MYO5B: variants seen among roughly 807,000 people sequenced by gnomAD.
MYO5B encodes myosin VB, also known as unconventional myosin-Vb.
Under a neutral mutation model 229.3 loss-of-function variants are expected in MYO5B, and 143 were observed. The observed-to-expected ratio is 0.62, with a 90% CI of 0.54 to 0.72. The LOEUF (loss-of-function observed/expected upper bound fraction) is 0.72. MYO5B is among the 30% of genes least tolerant of loss of function. The pLI, the probability that MYO5B is intolerant of heterozygous loss-of-function variation, is 0.00. For missense variants in MYO5B, 2,321 were observed against 2,331.0 expected, an observed-to-expected ratio of 1.00 and a Z score of 0.09; for synonymous variants, 918 against 885.2, an observed-to-expected ratio of 1.04 and a Z score of -0.66.
intron 29 of MYO5B, among the ~76,000 whole-genome samples, chr18:49,858,093 G>A (rs1360015014): frequency 6.6e-6 from 1 of 152,158 alleles, no homozygotes; most frequent in African/African-American, 2.4e-5. Flanking sequence ...ACCATCTGAA[G>A]GGACTTCCTC....
intron 3 of MYO5B, among the ~76,000 whole-genome samples, chr18:50,039,573 C>T (rs1407172842): frequency 6.6e-5 from 10 of 152,234 alleles, no homozygotes; most frequent in East Asian, 5.8e-4. Flanking sequence ...CCTCGTGATC[C>T]GCCCGCCTCG....
chr18:50,157,242 A>T (rs915449889), intron 1 of MYO5B, among the ~76,000 whole-genome samples: 5 of 152,014 alleles, frequency 3.3e-5, no homozygotes, highest in Non-Finnish European at 7.4e-5. Flanking sequence ...AGTAGCTGGG[A>T]TTACAGGTGC....
chr18:49,864,446 T>A, intron 27 of MYO5B, 66 bp from the exon 28 acceptor site: 2 of 1,583,660 alleles, frequency 1.3e-6, no homozygotes, highest in Non-Finnish European at 1.7e-6. Flanking sequence ...TGTGTGGGCC[T>A]CCCCTCCTCC....
intron 1 of MYO5B, among the ~76,000 whole-genome samples, chr18:50,121,872 AC>A (rs1234687275): frequency 6.6e-6 from 1 of 152,216 alleles, no homozygotes; most frequent in Non-Finnish European, 1.5e-5. Context: ...CCATGCAACT[AC>A]CAATAACAGC....
intron 14 of MYO5B, among the ~76,000 whole-genome samples, chr18:49,942,136 G>A (rs2025320961): frequency 6.7e-6 from 1 of 149,866 alleles, no homozygotes. Flanking sequence ...CTAGCCATAT[G>A]TAGAAAGTTG....
At chr18:49,945,454 T>TC (rs558772660) in intron 14 of MYO5B, among the ~76,000 whole-genome samples, 2 of 61,526 alleles carry the variant, frequency 3.3e-5, no homozygotes, top group Non-Finnish European at 2.9e-5. Context: ...CATGCAGTCC[T>TC]TTTTTTTTTC....
At chr18:49,926,116 C>T (rs2025126115) in intron 17 of MYO5B, among the ~76,000 whole-genome samples, 1 of 152,212 alleles carries the variant, frequency 6.6e-6, no homozygotes, top group Non-Finnish European at 1.5e-5. Flanking sequence ...AAGAAAATAA[C>T]AACAGCCTTC....
chr18:50,021,032 C>T (rs1359039975), intron 4 of MYO5B, among the ~76,000 whole-genome samples: 2 of 152,176 alleles, frequency 1.3e-5, no homozygotes, highest in Non-Finnish European at 2.9e-5. Context: ...TGCAGAGGTA[C>T]ACTAAGAACA....
intron 26 of MYO5B, among the ~76,000 whole-genome samples, chr18:49,873,676 C>T (rs1214024693): frequency 2.0e-5 from 3 of 152,192 alleles, no homozygotes; most frequent in Non-Finnish European, 4.4e-5. Flanking sequence ...GAGTACATTA[C>T]ATTCTCAGAA....
intron 17 of MYO5B, 95 bp downstream of exon 17, chr18:49,929,417 T>C (rs2025164530): frequency 3.0e-6 from 3 of 990,192 alleles, no homozygotes; most frequent in Non-Finnish European, 4.5e-6. Context: ...GAAGGATCTG[T>C]TTCTGGCCGA....
At chr18:49,934,550 G>A (rs2025228959) in intron 16 of MYO5B, among the ~76,000 whole-genome samples, 1 of 152,216 alleles carries the variant, frequency 6.6e-6, no homozygotes, top group African/African-American at 2.4e-5. Context: ...GTCTGGCCCA[G>A]CTGGTATAGA....
At position 49,965,382 on chromosome 18, in the gene MYO5B, T is replaced by C. The variant is rs1431184663; in HGVS notation, c.1323-2352A>G. On this transcript the variant is annotated intron_variant, in intron 10 of 39. Transcript: ENST00000285039. Reference sequence around the variant, plus strand: ...CTGAGGGGTGAGAAGGGCAGAAGCCTATGAAGAAGAGATGGACATTTTCCA... The same window carrying C: ...CTGAGGGGTGAGAAGGGCAGAAGCCCATGAAGAAGAGATGGACATTTTCCA... Among the ~76,000 whole-genome samples the C allele has an allele frequency of 3.3e-5, 5 of 151,976 alleles. No individual in the cohort carries two copies. In the East Asian group the frequency reaches 9.7e-4, roughly 29 times the overall value.
chr18:49,884,803 C>A (rs1357340174), intron 22 of MYO5B, among the ~76,000 whole-genome samples: 1 of 152,104 alleles, frequency 6.6e-6, no homozygotes, highest in Admixed American at 6.6e-5. Flanking sequence ...AATAAAAAGA[C>A]AACCCAATTT....
chr18:49,974,904 T>G (rs1487616786), intron 9 of MYO5B, among the ~76,000 whole-genome samples: 1 of 151,874 alleles, frequency 6.6e-6, no homozygotes, highest in Admixed American at 6.6e-5. Flanking sequence ...GACCAAATTA[T>G]AGGACTTTAA....
At chr18:49,995,750 A>G (rs570723279) in intron 5 of MYO5B, among the ~76,000 whole-genome samples, 66 of 152,306 alleles carry the variant, frequency 4.3e-4, no homozygotes, top group African/African-American at 1.1e-3. Context: ...CAGAATGACA[A>G]TATCAGCATT....
chr18:49,912,729 A>C (rs1324323355), intron 17 of MYO5B, among the ~76,000 whole-genome samples: 1 of 152,150 alleles, frequency 6.6e-6, no homozygotes, highest in African/African-American at 2.4e-5. Context: ...GCCATGTGGA[A>C]CTGTGAGTCC....
intron 9 of MYO5B, among the ~76,000 whole-genome samples, chr18:49,976,709 G>C (rs554868727): frequency 1.3e-5 from 2 of 152,280 alleles, no homozygotes; most frequent in South Asian, 4.1e-4. Context: ...GTTTGGGCCG[G>C]GTGGGTGTGG....
chr18:49,990,476 A>T lies in MYO5B; in HGVS notation c.801T>A (p.Ala267=). 1 of 1,614,008 alleles carries T rather than the reference A, an allele frequency of 6.2e-7. No homozygotes were observed. Among genetic ancestry groups the T allele is most frequent in the Non-Finnish European group, 8.5e-7 (1 of 1,179,900 alleles). Residue 267 remains alanine (A), a synonymous_variant, in exon 7 of 40, where the codon GCT becomes GCA. Coordinates refer to ENST00000285039, the MANE Select transcript of MYO5B (RefSeq NM_001080467.3). ...CTTTAAATTCTGGAAGACCGGCAGC[A>T]GCACAGAGCTGGTAAAAGATGTGGT... The part of the protein sequence containing the change: ...RNYHIFYQLC[A]AAGLPEFKEL...
chr18:50,168,402 GCT>G (rs145555527), intron 1 of MYO5B, among the ~76,000 whole-genome samples: 1,765 of 152,342 alleles, frequency 0.012, 26 homozygotes, highest in African/African-American at 0.04. Context: ...TAGAAAACAG[GCT>G]GTCTCTTCCA....
Sources: gnomAD v4.1 joint callset for allele counts (sites outside exome capture counted in the v4.1 genomes callset) on GRCh38, gnomAD v4.1.1 for gene constraint, MANE v1.5 for transcripts, NCBI Gene and HGNC (gene_info 2026-07-23, HGNC 2026-07-21) for gene names.